The following PPHLN1 variants were observed in gnomAD, a reference collection of about 807,000 sequenced individuals.
PPHLN1 encodes the protein periphilin 1.
A neutral mutation model predicts 51.3 loss-of-function variants in PPHLN1; 29 were observed. The ratio of observed to expected loss-of-function variants is 0.57; its 90% CI spans 0.42 to 0.77. PPHLN1 has a LOEUF of 0.77. Among genes scored for constraint, PPHLN1 ranks in the 30% least tolerant of loss-of-function variants. The probability of loss-of-function intolerance (pLI) is 0.00; values close to 1 mark genes in which losing one functional copy is unlikely to be tolerated. For missense variants in PPHLN1, 436 were observed against 438.4 expected, an observed-to-expected ratio of 0.99 and a Z score of 0.05; for synonymous variants, 147 against 147.8, an observed-to-expected ratio of 0.99 and a Z score of 0.04.
chr12:42,400,798 T>TTCACACACACA (rs1555209232), intron 9 of PPHLN1, among the ~76,000 whole-genome samples: 14 of 142,628 alleles, frequency 9.8e-5, no homozygotes, highest in African/African-American at 3.7e-4. Context: ...TCTCTCTCTT[T>TTCACACACACA]CACACACACA....
intron 9 of PPHLN1, among the ~76,000 whole-genome samples, chr12:42,408,815 AGTT>A (rs2079545912): frequency 6.6e-6 from 1 of 152,236 alleles, no homozygotes; most frequent in Non-Finnish European, 1.5e-5. Context: ...CAGAAATTTC[AGTT>A]AAGTAACTGA....
intron 3 of PPHLN1, 75 bp from the exon 4 acceptor site, chr12:42,355,086 G>A: frequency 7.5e-7 from 1 of 1,337,998 alleles, no homozygotes; most frequent in African/African-American, 1.4e-5. Flanking sequence ...TCTAGTTTCT[G>A]GTAGTATTGT....
At chr12:42,368,860 A>T (rs956818254) in intron 4 of PPHLN1, among the ~76,000 whole-genome samples, 5 of 152,200 alleles carry the variant, frequency 3.3e-5, no homozygotes, top group Non-Finnish European at 5.9e-5. Flanking sequence ...TTGGTAAAAG[A>T]TGGGGTGAAA....
Position 42,393,585 on chromosome 12 carries a change from A to C in PPHLN1, c.664A>C (p.Ser222Arg), listed in dbSNP as rs774849579. The C allele has an allele frequency of 6.2e-5, 100 of 1,608,764 alleles. No individual in the cohort carries two copies. The highest frequency in any genetic ancestry group is 8.4e-5 in the Non-Finnish European group (99 of 1,178,368). ...VSSSKVLDKP[S>R]RLTEKELAEA... ...TTTTTATTAGGTGTTAGACAAACCCAGTAGGCTAACTGAAAAGGAACTTGC... is the reference window on the plus strand; with the variant it reads ...TTTTTATTAGGTGTTAGACAAACCCCGTAGGCTAACTGAAAAGGAACTTGC... Residue 222 changes from serine to arginine, a missense_variant, in exon 8 of 10, where the codon AGT becomes CGT. Physicochemically the swap from Ser to Arg is moderately radical, Grantham distance 110. Coordinates refer to ENST00000358314, the MANE Select transcript of PPHLN1 (RefSeq NM_201439.2).
chr12:42,369,831 T>G (rs937808480), intron 4 of PPHLN1, among the ~76,000 whole-genome samples: 1 of 152,290 alleles, frequency 6.6e-6, no homozygotes, highest in East Asian at 1.9e-4. Context: ...ACGTCCTCAT[T>G]TACACCACCC....
chr12:42,418,574 C>T (rs1319405727), intron 9 of PPHLN1, among the ~76,000 whole-genome samples: 5 of 151,922 alleles, frequency 3.3e-5, no homozygotes, highest in African/African-American at 1.2e-4. Flanking sequence ...TCATAGTGGC[C>T]TCCTCTCTAC....
intron 8 of PPHLN1, among the ~76,000 whole-genome samples, chr12:42,395,220 A>G (rs1262019321): frequency 9.9e-5 from 15 of 152,112 alleles, no homozygotes; most frequent in Admixed American, 9.8e-4. Flanking sequence ...CAAATTAATG[A>G]AAAGTAAATA....
chr12:42,344,572 T>C (rs187459653), intron 2 of PPHLN1, among the ~76,000 whole-genome samples: 39 of 152,342 alleles, frequency 2.6e-4, no homozygotes, highest in African/African-American at 9.4e-4. Flanking sequence ...ATATTAATAC[T>C]TTCATTTTAA....
chr12:42,445,756 T>TA, downstream of PPHLN1: 6 of 490,318 alleles, frequency 1.2e-5, no homozygotes, highest in East Asian at 2.1e-4. Context: ...AGAATATGAG[T>TA]AAAGACCCTG....
At chr12:42,334,933 G>C (rs2070360445) in intron 1 of PPHLN1, among the ~76,000 whole-genome samples, 1 of 152,198 alleles carries the variant, frequency 6.6e-6, no homozygotes, top group Non-Finnish European at 1.5e-5. Flanking sequence ...GGAGATGTGA[G>C]TAGTTGTAAA....
intron 9 of PPHLN1, among the ~76,000 whole-genome samples, chr12:42,418,314 A>G (rs968380321): frequency 6.6e-6 from 1 of 150,564 alleles, no homozygotes; most frequent in Admixed American, 6.6e-5. Context: ...TAAAACAAAG[A>G]TGAGCACTGC....
chr12:42,424,504 A>G (rs533424419), intron 9 of PPHLN1, among the ~76,000 whole-genome samples: 2 of 152,152 alleles, frequency 1.3e-5, no homozygotes, highest in Non-Finnish European at 2.9e-5. Context: ...ATTCATCTTT[A>G]TTACTAAAAC....
In PPHLN1 at chr12:42,383,042, A is replaced by G. The variant is rs554790917; in HGVS notation, c.512-1898A>G. Among the ~76,000 whole-genome samples the G allele has an allele frequency of 1.1e-4, 16 of 152,342 alleles. No individual in the cohort carries two copies. In the East Asian group the frequency reaches 1.5e-3, roughly 15 times the overall value. ...AATTACTTACTTGTTCATGACTGCA[A>G]TTTAGCTGGGTAGTTTTACTAGTCT... is the stretch of plus-strand genomic sequence containing the variant. On this transcript the variant is annotated intron_variant, in intron 5 of 9. Coordinates refer to ENST00000358314, the MANE Select transcript of PPHLN1 (RefSeq NM_201439.2).
At chr12:42,332,653 C>A in intron 1 of PPHLN1, 2 of 1,571,264 alleles carry the variant, frequency 1.3e-6, no homozygotes, top group Non-Finnish European at 1.7e-6. Flanking sequence ...ATTTCCCCCC[C>A]TTACAGGAAA....
intron 2 of PPHLN1, among the ~76,000 whole-genome samples, 189 bp from the exon 3 acceptor site, chr12:42,351,696 A>G (rs1334179616): frequency 6.6e-6 from 1 of 152,174 alleles, no homozygotes; most frequent in African/African-American, 2.4e-5. Flanking sequence ...TCTTCGTTGA[A>G]CAACTTGATT....
At chr12:42,397,385 A>T (rs534197083) in intron 8 of PPHLN1, among the ~76,000 whole-genome samples, 1 of 152,356 alleles carries the variant, frequency 6.6e-6, no homozygotes, top group Non-Finnish European at 1.5e-5. Flanking sequence ...TTTTCTGTAC[A>T]GTACCTCGGA....
At chr12:42,377,565 A>G (rs1024735369) in intron 5 of PPHLN1, among the ~76,000 whole-genome samples, 3 of 151,988 alleles carry the variant, frequency 2.0e-5, no homozygotes, top group African/African-American at 7.2e-5. Flanking sequence ...CAGGCTCCCA[A>G]AGTGCTGGGA....
intron 1 of PPHLN1, among the ~76,000 whole-genome samples, chr12:42,335,313 G>A (rs920599492): frequency 2.6e-5 from 4 of 151,664 alleles, no homozygotes; most frequent in African/African-American, 4.9e-5. Flanking sequence ...AATTTATAGC[G>A]TTAAAAAAAT....
At position 42,430,829 on chromosome 12, in the gene PPHLN1, A is replaced by G. The variant is rs115593725; in HGVS notation, c.910-10486A>G. Among the ~76,000 whole-genome samples, 976 of 152,256 alleles carry G rather than the reference A, an allele frequency of 6.4e-3. 9 individuals are homozygous for G. The highest frequency in any genetic ancestry group is 0.022 in the African/African-American group (934 of 41,542). On this transcript the variant is annotated intron_variant, in intron 9 of 9. Coordinates refer to ENST00000358314, the MANE Select transcript of PPHLN1 (RefSeq NM_201439.2). Reference sequence around the variant, plus strand: ...GTTATCTCTTTTTTTTGGAAGATCAATGTTTATTTACTATCTGCATACAAA... The same window carrying G: ...GTTATCTCTTTTTTTTGGAAGATCAGTGTTTATTTACTATCTGCATACAAA...
Sources: allele counts gnomAD v4.1 joint callset (sites outside exome capture counted in the v4.1 genomes callset), GRCh38; gene constraint gnomAD v4.1.1; transcripts MANE v1.5; gene names NCBI Gene and HGNC (gene_info 2026-07-23, HGNC 2026-07-21).